CHRM3: variants seen among roughly 807,000 people sequenced by gnomAD.
CHRM3 encodes cholinergic receptor muscarinic 3.
In CHRM3, 11 loss-of-function variants were observed where a neutral mutation model predicts 41.8. That is an observed-to-expected ratio of 0.26 (90% CI 0.17 to 0.44). CHRM3 has a LOEUF of 0.44. Ranked by LOEUF, CHRM3 falls within the 20% of genes least tolerant of loss-of-function variation. CHRM3 has a pLI of 1.00. For missense variants in CHRM3, 571 were observed against 745.4 expected (o/e 0.77, Z 2.72); for synonymous variants, 297 against 301.4 (o/e 0.99, Z 0.15).
intron 1 of CHRM3, among the ~76,000 whole-genome samples, chr1:239,403,753 T>G (rs1273425437): frequency 6.6e-6 from 1 of 151,952 alleles, no homozygotes; most frequent in Non-Finnish European, 1.5e-5. Flanking sequence ...TGATCATGTG[T>G]GGCCCAGGAT....
intron 5 of CHRM3, among the ~76,000 whole-genome samples, chr1:239,793,125 A>G (rs1458645369): frequency 6.6e-6 from 1 of 152,222 alleles, no homozygotes; most frequent in African/African-American, 2.4e-5. Context: ...ATTATTGAAC[A>G]TCAGTAAATC....
intron 3 of CHRM3, among the ~76,000 whole-genome samples, chr1:239,556,975 A>T (rs1314457374): frequency 2.0e-5 from 3 of 152,112 alleles, no homozygotes; most frequent in African/African-American, 7.2e-5. Context: ...AATAAATAAA[A>T]TTTTTTTAAA....
intron 4 of CHRM3, among the ~76,000 whole-genome samples, chr1:239,632,815 C>T (rs1266176776): frequency 6.6e-6 from 1 of 152,182 alleles, no homozygotes; most frequent in African/African-American, 2.4e-5. Flanking sequence ...AAATCCAATC[C>T]CCCTGTATTA....
At chr1:239,827,859 G>C (rs1672577717) in intron 6 of CHRM3, among the ~76,000 whole-genome samples, 1 of 152,108 alleles carries the variant, frequency 6.6e-6, no homozygotes, top group African/African-American at 2.4e-5. Flanking sequence ...TTTTTACAGT[G>C]TCTAAGTGTG....
intron 5 of CHRM3, among the ~76,000 whole-genome samples, chr1:239,730,696 T>A (rs1265851646): frequency 6.6e-6 from 1 of 151,932 alleles, no homozygotes; most frequent in African/African-American, 2.4e-5. Flanking sequence ...GGAGTGGAGA[T>A]GAAGAGCAGC....
At chr1:239,525,980 A>G (rs1669968723) in intron 2 of CHRM3, among the ~76,000 whole-genome samples, 1 of 152,332 alleles carries the variant, frequency 6.6e-6, no homozygotes, top group Admixed American at 6.5e-5. Flanking sequence ...AAAGCTTCTC[A>G]AATGCTTCTA....
At chr1:239,778,192 A>G (rs1174229135) in intron 5 of CHRM3, among the ~76,000 whole-genome samples, 1 of 152,208 alleles carries the variant, frequency 6.6e-6, no homozygotes, top group African/African-American at 2.4e-5. Context: ...CAGCACATCA[A>G]GCAATACCAC....
chr1:239,605,101 A>G (rs1276064328), intron 3 of CHRM3, among the ~76,000 whole-genome samples: 1 of 152,224 alleles, frequency 6.6e-6, no homozygotes, highest in Non-Finnish European at 1.5e-5. Context: ...GATGAATTAC[A>G]TATTTCATGA....
chr1:239,676,894 T>C (rs529460339), intron 4 of CHRM3, among the ~76,000 whole-genome samples: 1 of 152,356 alleles, frequency 6.6e-6, no homozygotes, highest in African/African-American at 2.4e-5. Context: ...TATAAAAGGA[T>C]GTTCTGCCAC....
At chr1:239,845,103 A>G (rs1674157361) in intron 6 of CHRM3, among the ~76,000 whole-genome samples, 1 of 152,228 alleles carries the variant, frequency 6.6e-6, no homozygotes, top group Non-Finnish European at 1.5e-5. Context: ...TAATCAAATC[A>G]CAGTAAATTT....
chr1:239,805,514 G>T (rs1376317234), intron 5 of CHRM3, among the ~76,000 whole-genome samples: 3 of 152,148 alleles, frequency 2.0e-5, no homozygotes, highest in African/African-American at 7.2e-5. Flanking sequence ...GACAATAGAA[G>T]TAGCTAGGAG....
At chr1:239,795,229 G>A (rs1669674107) in intron 5 of CHRM3, among the ~76,000 whole-genome samples, 1 of 152,284 alleles carries the variant, frequency 6.6e-6, no homozygotes. Context: ...TAAGAAGTAG[G>A]TGGGGGATGA....
At chr1:239,898,014 A>T (rs1387199778) in intron 6 of CHRM3, 3 of 152,140 alleles carry the variant, frequency 2.0e-5, no homozygotes, top group Non-Finnish European at 4.4e-5. Flanking sequence ...CTAAAAAAAA[A>T]ATTCCCCTTT....
chr1:239,538,714 A>T (rs945255492), intron 2 of CHRM3, among the ~76,000 whole-genome samples: 3 of 152,232 alleles, frequency 2.0e-5, no homozygotes, highest in African/African-American at 7.2e-5. Context: ...TTTAAAGTTT[A>T]ATAGCCAATA....
chr1:239,739,059 A>G (rs902950900), intron 5 of CHRM3, among the ~76,000 whole-genome samples: 4 of 152,204 alleles, frequency 2.6e-5, no homozygotes, highest in African/African-American at 9.6e-5. Flanking sequence ...ACCTAAGAAC[A>G]GAGTTGCTGT....
chr1:239,768,501 G>GAATTATT (rs534708082), intron 5 of CHRM3, among the ~76,000 whole-genome samples: 1 of 152,038 alleles, frequency 6.6e-6, no homozygotes, highest in Non-Finnish European at 1.5e-5. Flanking sequence ...AATAAACATG[G>GAATTATT]TGAAAATTAA....
chr1:239,840,955 A>G (rs1673748769), intron 6 of CHRM3, among the ~76,000 whole-genome samples: 1 of 152,198 alleles, frequency 6.6e-6, no homozygotes, highest in African/African-American at 2.4e-5. Context: ...ACGTGTGGGC[A>G]GCAACAAACA....
intron 6 of CHRM3, among the ~76,000 whole-genome samples, chr1:239,875,173 G>C (rs1677014147): frequency 6.6e-6 from 1 of 152,194 alleles, no homozygotes; most frequent in Admixed American, 6.5e-5. Flanking sequence ...TACAGAAACA[G>C]CACTAATACA....
chr1:239,549,941 A>G (rs1659658407), intron 3 of CHRM3, among the ~76,000 whole-genome samples: 1 of 151,784 alleles, frequency 6.6e-6, no homozygotes, highest in Non-Finnish European at 1.5e-5. Flanking sequence ...AAGCCTAGGA[A>G]TGGAAGTGTA....
Sources: gnomAD v4.1 joint callset for allele counts (sites outside exome capture counted in the v4.1 genomes callset) on GRCh38, gnomAD v4.1.1 for gene constraint, MANE v1.5 for transcripts, NCBI Gene and HGNC (gene_info 2026-07-23, HGNC 2026-07-21) for gene names.